The following ZNF345 variants were observed in gnomAD, a reference collection of about 807,000 sequenced individuals.
ZNF345 encodes the protein zinc finger protein 345, also known as zinc finger protein HZF10.
For synonymous variants in ZNF345, 166 were observed against 187.9 expected (o/e 0.88, Z 0.95); for missense variants, 527 against 589.9 (o/e 0.89, Z 1.10).
chr19:36,880,922 G>A (rs542523), downstream of ZNF345, among the ~76,000 whole-genome samples: 36,305 of 152,020 alleles, frequency 0.24, 6,073 homozygotes, highest in African/African-American at 0.47. Flanking sequence ...TTGTTAGAAT[G>A]TTAAAGAAAT....
At chr19:36,892,338 A>T in intron 3 of ZNF345, 1 of 1,613,750 alleles carries the variant, frequency 6.2e-7, no homozygotes. Context: ...GTTTCTCTTC[A>T]CTCATAGTTT....
At chr19:36,855,447 C>CTTTTTTT (rs34265794) in intron 2 of ZNF345, among the ~76,000 whole-genome samples, 5 of 58,574 alleles carry the variant, frequency 8.5e-5, no homozygotes, top group Non-Finnish European at 1.2e-4. Flanking sequence ...CGAGCCTGGC[C>CTTTTTTT]TTTTTTTTTT....
In ZNF345 at chr19:36,866,739, C is replaced by T. The variant is rs572750973; in HGVS notation, c.-46-10046C>T. 9.2e-4 allele frequency among the ~76,000 whole-genome samples: 140 copies of T among 152,114 alleles called. 1 individual carries two copies. Among genetic ancestry groups the T allele is most frequent in the Non-Finnish European group, 4.0e-4 (27 of 68,000 alleles). On this transcript the variant is annotated intron_variant, in intron 2 of 2. Coordinates refer to ENST00000420450, the MANE Select transcript of ZNF345 (RefSeq NM_001242472.2). Reference sequence around the variant, plus strand: ...AATTTTTTGTATTTTTTAGTAGAGACGGGGTTTCACTGTGTTGGCCAGGCT... The same window carrying T: ...AATTTTTTGTATTTTTTAGTAGAGATGGGGTTTCACTGTGTTGGCCAGGCT...
chr19:36,892,929 C>A, exon 4 of ZNF345: 1 of 928,602 alleles, frequency 1.1e-6, no homozygotes, highest in Non-Finnish European at 1.4e-6. Context: ...AGCTGGAGGG[C>A]CATGGAGGAG....
chr19:36,856,810 A>G (rs1159742452), intron 2 of ZNF345, among the ~76,000 whole-genome samples: 1 of 151,746 alleles, frequency 6.6e-6, no homozygotes, highest in African/African-American at 2.4e-5. Flanking sequence ...AGATGGTGCC[A>G]CTGCACTCCA....
At chr19:36,886,812 C>G (rs1040854977) in intron 3 of ZNF345, among the ~76,000 whole-genome samples, 1 of 151,736 alleles carries the variant, frequency 6.6e-6, no homozygotes, top group Non-Finnish European at 1.5e-5. Context: ...ACGGTGAAAC[C>G]CCGTCTCTAC....
downstream of ZNF345, among the ~76,000 whole-genome samples, chr19:36,882,652 ATGTT>A (rs1304081946): frequency 6.6e-6 from 1 of 152,128 alleles, no homozygotes; most frequent in African/African-American, 2.4e-5. Context: ...AGGTGTCTGT[ATGTT>A]TGTGTGTGTT....
intron 2 of ZNF345, among the ~76,000 whole-genome samples, chr19:36,854,235 G>GTTTTTTTTTTTTTTTTTTTT (rs34215056): frequency 7.2e-6 from 1 of 138,702 alleles, no homozygotes; most frequent in Non-Finnish European, 1.6e-5. Context: ...CCTGGGTTTT[G>GTTTTTTTTTTTTTTTTTTTT]TTTTTTTTTT....
At position 36,879,231 on chromosome 19, in the gene ZNF345, C is replaced by T. The variant is rs914415407; in HGVS notation, c.*934C>T. 6.0e-6 allele frequency: 1 copy of T among 166,906 alleles called. No homozygotes were observed. The highest frequency in any genetic ancestry group is 2.4e-5 in the African/African-American group (1 of 41,402). The allele number at this position is 166,906 out of a possible 1,614,324, so 10.3% of individuals were successfully genotyped here. On this transcript the variant is annotated 3_prime_UTR_variant, in exon 3 of 3. Transcript: ENST00000420450. Reference sequence around the variant, plus strand: ...TTTAAGTATCCTTTAATACCTGTACCTTTTGTTTTAGAAGATTGTTTACTT... The same window carrying T: ...TTTAAGTATCCTTTAATACCTGTACTTTTTGTTTTAGAAGATTGTTTACTT...
At chr19:36,857,466 C>A (rs2146132873) in intron 2 of ZNF345, among the ~76,000 whole-genome samples, 1 of 152,044 alleles carries the variant, frequency 6.6e-6, no homozygotes, top group African/African-American at 2.4e-5. Flanking sequence ...GCCACCACGC[C>A]CAGCTAATTT....
rs368283745 is a variant in ZNF345 at position 36,877,491 on chromosome 19, C to T, written c.661C>T (p.Arg221Trp). 2.2e-5 allele frequency: 36 copies of T among 1,614,028 alleles called. No homozygotes were observed. The highest frequency in any genetic ancestry group is 4.4e-5 in the South Asian group (4 of 91,080). ...FGSGSNLTQHRRIHTGEKPYE... is the reference protein window; with the variant it reads ...FGSGSNLTQHWRIHTGEKPYE... ...CAGTGGTTCAAACCTTACTCAACAT[C>T]GGCGGATTCATACTGGTGAGAAACC... Residue 221 changes from arginine to tryptophan, a missense_variant, in exon 3 of 3, where the codon CGG becomes TGG. Arg to Trp is a moderately radical substitution (Grantham distance 101). Coordinates refer to ENST00000420450, the MANE Select transcript of ZNF345 (RefSeq NM_001242472.2).
chr19:36,876,839 C>T lies in ZNF345; in HGVS notation c.9C>T (p.Asn3=). ME[N]LTKHSIECSS... ...TATTTCTGAAAAAGGATATGGAAAA[C>T]CTTACAAAACACAGCATTGAGTGTT... The change falls in exon 3 of 3, where the codon AAC becomes AAT. Residue 3 remains asparagine (N), a synonymous_variant. Transcript: ENST00000420450. 2 of 1,584,980 alleles carry T rather than the reference C, an allele frequency of 1.3e-6. No individual in the cohort carries two copies. Among genetic ancestry groups the T allele is most frequent in the Non-Finnish European group, 8.6e-7 (1 of 1,166,544 alleles).
intron 2 of ZNF345, among the ~76,000 whole-genome samples, chr19:36,875,180 A>G (rs2072858100): frequency 6.6e-6 from 1 of 152,198 alleles, no homozygotes; most frequent in African/African-American, 2.4e-5. Flanking sequence ...TGAAAAATTT[A>G]ACTGTAGGGA....
At chr19:36,858,032 G>A (rs1404751202) in intron 2 of ZNF345, among the ~76,000 whole-genome samples, 4 of 150,726 alleles carry the variant, frequency 2.7e-5, no homozygotes, top group Non-Finnish European at 5.9e-5. Context: ...CGCCCACCTA[G>A]GCCTCCCAAA....
chr19:36,889,377 T>C (rs2073028920), intron 3 of ZNF345: 1 of 152,188 alleles, frequency 6.6e-6, no homozygotes, highest in Non-Finnish European at 1.5e-5. Context: ...TTACTAGTTC[T>C]TCCTTGCATG....
chr19:36,892,507 T>G lies in ZNF345; in HGVS notation c.47-311T>G, dbSNP rs748932334. On this transcript the variant is annotated intron_variant, in intron 3 of 3. Coordinates refer to the ZNF345 transcript ENST00000526123. ...ATACAAAGGCAAATAAATTTTCCTA[T>G]TCTGGGCAAGTTAAAACTTCTAAAA... 6.6e-6 allele frequency: 10 copies of G among 1,522,608 alleles called. 1 individual carries two copies. The highest frequency in any genetic ancestry group is 4.0e-4 in the Middle Eastern group (2 of 4,966). The allele number at this position is 1,522,608 out of a possible 1,614,324, so 94.3% of individuals were successfully genotyped here.
rs759796618 is a variant in ZNF345 at position 36,877,373 on chromosome 19, G to A, written c.543G>A (p.Lys181=). The part of the protein sequence containing the change: ...EKPYECKECG[K]SFSFESALIR... Reference sequence around the variant, plus strand: ...CTTATGAGTGTAAGGAATGTGGGAAGTCCTTTAGTTTTGAATCAGCCCTTA... The same window carrying A: ...CTTATGAGTGTAAGGAATGTGGGAAATCCTTTAGTTTTGAATCAGCCCTTA... Residue 181 remains lysine, a synonymous_variant, in exon 3 of 3, where the codon AAG becomes AAA. Coordinates refer to ENST00000420450, the MANE Select transcript of ZNF345 (RefSeq NM_001242472.2). 4 of 1,613,968 alleles carry A rather than the reference G, an allele frequency of 2.5e-6. No homozygotes were observed. In the African/African-American group the frequency reaches 5.3e-5, roughly 22 times the overall value.
chr19:36,892,784 TAA>T (rs376647993), intron 3 of ZNF345: 15 of 415,342 alleles, frequency 3.6e-5, no homozygotes, highest in Admixed American at 9.6e-5. Context: ...AGATTCTAAT[TAA>T]AAAAAAAAAA....
At chr19:36,883,624 GCTT>G (rs2072980936), downstream of ZNF345, among the ~76,000 whole-genome samples, 1 of 152,178 alleles carries the variant, frequency 6.6e-6, no homozygotes, top group African/African-American at 2.4e-5. Flanking sequence ...GCCTAAGGAG[GCTT>G]CTTTGTGCTG....
Sources: gnomAD v4.1 joint callset for allele counts (sites outside exome capture counted in the v4.1 genomes callset) on GRCh38, gnomAD v4.1.1 for gene constraint, MANE v1.5 for transcripts, NCBI Gene and HGNC (gene_info 2026-07-23, HGNC 2026-07-21) for gene names.